Variants in MIOS observed in about 807,000 individuals in gnomAD.
MIOS encodes meiosis regulator for oocyte development.
A neutral mutation model predicts 96.9 loss-of-function variants in MIOS; 52 were observed. The ratio of observed to expected loss-of-function variants is 0.54; its 90% confidence interval spans 0.43 to 0.68. The LOEUF is 0.68. MIOS is among the 30% of genes least tolerant of loss of function. MIOS has a pLI of 0.00. For synonymous variants in MIOS, 397 were observed against 359.5 expected (o/e 1.10, Z -1.18); for missense variants, 1,005 against 1,052.8 (o/e 0.95, Z 0.63).
intron 9 of MIOS, among the ~76,000 whole-genome samples, 169 bp from the exon 10 acceptor site, chr7:7,594,811 T>G (rs917369522): frequency 4.7e-5 from 7 of 149,380 alleles, no homozygotes; most frequent in Non-Finnish European, 1.0e-4. Context: ...TGAGATAAAT[T>G]AATGGAGCTT....
At chr7:7,583,878 G>A (rs187137335) in intron 6 of MIOS, among the ~76,000 whole-genome samples, 1 of 152,170 alleles carries the variant, frequency 6.6e-6, no homozygotes, top group Admixed American at 6.5e-5. Flanking sequence ...TGAATCTGGT[G>A]ATTAAAATAC....
rs1278248173 is a variant in MIOS at position 7,573,029 on chromosome 7, A to C, written c.554A>C (p.Asp185Ala). 3.1e-6 allele frequency: 5 copies of C among 1,613,926 alleles called. No homozygotes were observed. Among genetic ancestry groups the C allele is most frequent in the Non-Finnish European group, 4.2e-6 (5 of 1,179,966 alleles). The change falls in exon 4 of 13, where the codon GAT (aspartate) becomes GCT (alanine). Residue 185 changes from aspartate (D) to alanine (A), a missense_variant. Asp to Ala is a moderately radical substitution (Grantham distance 126). Transcript: ENST00000340080. This position sits in a 1 kb window ranked among gnomAD's most constrained non-coding sequence, Gnocchi z 5.0. ...CCACTTTATGAGTTAGGACAGAATGATGCTTGTCTGTCTCTTTGTTGGCTT... is the reference window on the plus strand; with the variant it reads ...CCACTTTATGAGTTAGGACAGAATGCTGCTTGTCTGTCTCTTTGTTGGCTT... The part of the protein sequence containing the change: ...TKPLYELGQN[D>A]ACLSLCWLPR...
chr7:7,574,058 A>G, intron 4 of MIOS, 40 bp from the exon 5 acceptor site: 3 of 1,414,412 alleles, frequency 2.1e-6, no homozygotes, highest in Admixed American at 4.0e-5. Context: ...TTTGAAATAT[A>G]TTGTCATGCA....
chr7:7,580,967 A>C (rs959631035), intron 5 of MIOS, among the ~76,000 whole-genome samples: 1 of 148,998 alleles, frequency 6.7e-6, no homozygotes, highest in South Asian at 2.2e-4. Flanking sequence ...GATTACAGGC[A>C]TGAGCCACGG....
At chr7:7,604,480 C>G (rs1432583949) in intron 11 of MIOS, among the ~76,000 whole-genome samples, 1 of 152,076 alleles carries the variant, frequency 6.6e-6, no homozygotes, top group Non-Finnish European at 1.5e-5. Flanking sequence ...ACCTATTGTT[C>G]CAAGTGCTAG....
chr7:7,599,944 A>G (rs1398904498), intron 11 of MIOS, among the ~76,000 whole-genome samples: 1 of 152,110 alleles, frequency 6.6e-6, no homozygotes, highest in Non-Finnish European at 1.5e-5. Context: ...ACCAAATACC[A>G]CATGTTATAA....
chr7:7,572,362 T>C lies in MIOS; in HGVS notation c.-40-74T>C. ...TCTTGAATAGAGAATTTTCTGACTTTCTGAATAGTTTATTCAACGTAAGAA... is the reference window on the plus strand; with the variant it reads ...TCTTGAATAGAGAATTTTCTGACTTCCTGAATAGTTTATTCAACGTAAGAA... On this transcript the variant is annotated intron_variant, in intron 3 of 12. Coordinates refer to ENST00000340080, the MANE Select transcript of MIOS (RefSeq NM_019005.4). This position sits in a 1 kb window ranked among gnomAD's most constrained non-coding sequence, Gnocchi z 4.8. 1.4e-6 allele frequency: 1 copy of C among 721,990 alleles called. No homozygotes were observed. The highest frequency in any genetic ancestry group is 2.9e-5 in the South Asian group (1 of 34,128). 44.7% of individuals were successfully genotyped at this position (721,990 alleles called of 1,614,324 possible).
rs925001942 is a variant in MIOS at position 7,569,989 on chromosome 7, T to C, written c.-41+1866T>C. On this transcript the variant is annotated intron_variant, in intron 3 of 12. Transcript: ENST00000340080. ...AAAGCATTTAGGGTTTTGTAGGTTA[T>C]ACTAAGAGCAGCTGAAGACCATTAG... Among the ~76,000 whole-genome samples, 7 of 152,228 alleles carry C rather than the reference T, an allele frequency of 4.6e-5. No homozygotes were observed. In the Middle Eastern group the frequency reaches 0.01, roughly 222 times the overall value.
intron 6 of MIOS, 100 bp downstream of exon 6, chr7:7,583,472 C>T (rs1783794406): frequency 7.9e-7 from 1 of 1,266,478 alleles, no homozygotes; most frequent in Non-Finnish European, 1.1e-6. Flanking sequence ...AATATCTAAT[C>T]ACTTAAAATT....
At chr7:7,579,436 A>G (rs1442277063) in intron 5 of MIOS, among the ~76,000 whole-genome samples, 2 of 152,178 alleles carry the variant, frequency 1.3e-5, no homozygotes, top group East Asian at 1.9e-4. Context: ...TGCATATATA[A>G]TGGTGGCCCC....
chr7:7,591,056 A>G (rs893301349), intron 9 of MIOS, among the ~76,000 whole-genome samples: 2 of 152,160 alleles, frequency 1.3e-5, no homozygotes, highest in African/African-American at 4.8e-5. Flanking sequence ...GGGCTTTTAT[A>G]TTTATTCACT....
intron 5 of MIOS, among the ~76,000 whole-genome samples, chr7:7,575,376 T>C (rs1165859139): frequency 6.6e-6 from 1 of 152,148 alleles, no homozygotes; most frequent in Non-Finnish European, 1.5e-5. Context: ...GTAGACTACT[T>C]ACTGATCAGT....
intron 4 of MIOS, 73 bp from the exon 5 acceptor site, chr7:7,574,025 C>T: frequency 8.2e-7 from 1 of 1,219,790 alleles, no homozygotes; most frequent in South Asian, 1.4e-5. Context: ...TATGAATTGG[C>T]TCCAAATCAA....
Position 7,573,744 on chromosome 7 carries a change from C to G in MIOS, c.1269C>G (p.Leu423=). 2 of 1,609,878 alleles carry G rather than the reference C, an allele frequency of 1.2e-6. No individual in the cohort carries two copies. The highest frequency in any genetic ancestry group is 1.7e-6 in the Non-Finnish European group (2 of 1,177,672). The change falls in exon 4 of 13, where the codon CTC becomes CTG. Residue 423 remains leucine, a synonymous_variant. Coordinates refer to ENST00000340080, the MANE Select transcript of MIOS (RefSeq NM_019005.4). This position sits in a 1 kb window ranked among gnomAD's most constrained non-coding sequence, Gnocchi z 5.0. ...HILAGNEDPQ[L]KSLWYTLHFM... Reference sequence around the variant, plus strand: ...TAGCTGGAAATGAAGATCCACAGCTCAAGTCACTCTGGTATACTCTGCACT... The same window carrying G: ...TAGCTGGAAATGAAGATCCACAGCTGAAGTCACTCTGGTATACTCTGCACT...
chr7:7,573,469 C>T lies in MIOS; in HGVS notation c.994C>T (p.Pro332Ser). 2 of 1,614,102 alleles carry T rather than the reference C, an allele frequency of 1.2e-6. No homozygotes were observed. Among genetic ancestry groups the T allele is most frequent in the South Asian group, 2.2e-5 (2 of 91,068 alleles). The change falls in exon 4 of 13, where the codon CCA (proline) becomes TCA (serine). Residue 332 changes from proline (P) to serine (S), a missense_variant. Pro to Ser is a moderately conservative substitution (Grantham distance 74). This residue lies in a region of MIOS where 865 missense variants were observed against 887.9 expected (regional missense o/e 0.97). Transcript: ENST00000340080. This position sits in a 1 kb window ranked among gnomAD's most constrained non-coding sequence, Gnocchi z 5.0. ...DNYIASFAWH[P>S]TSQNRMIVVT... is the part of the protein sequence containing the mutation. ...TTACATTGCTTCCTTTGCGTGGCAT[C>T]CAACAAGTCAAAATCGAATGATAGT...
At chr7:7,576,644 T>C (rs1180549584) in intron 5 of MIOS, among the ~76,000 whole-genome samples, 3 of 152,036 alleles carry the variant, frequency 2.0e-5, no homozygotes, top group Non-Finnish European at 4.4e-5. Context: ...GACTTAGAAA[T>C]CATGTTAAGA....
intron 5 of MIOS, among the ~76,000 whole-genome samples, chr7:7,579,227 A>G (rs1204719731): frequency 6.6e-6 from 1 of 152,212 alleles, no homozygotes; most frequent in Non-Finnish European, 1.5e-5. Context: ...TGCTGACATC[A>G]TATTGCTTAT....
intron 7 of MIOS, among the ~76,000 whole-genome samples, chr7:7,586,289 G>A (rs1441995589): frequency 6.6e-6 from 1 of 152,122 alleles, no homozygotes; most frequent in African/African-American, 2.4e-5. Flanking sequence ...TGTTAGGAAT[G>A]ATAACAGTAC....
chr7:7,607,184 A>G lies in MIOS; in HGVS notation c.*92A>G, dbSNP rs1784556607. The G allele has an allele frequency of 1.1e-6, 1 of 884,452 alleles. No homozygotes were observed. The highest frequency in any genetic ancestry group is 1.8e-6 in the Non-Finnish European group (1 of 569,476). 54.8% of individuals were successfully genotyped at this position (884,452 alleles called of 1,614,324 possible). On this transcript the variant is annotated 3_prime_UTR_variant, in exon 13 of 13. Coordinates refer to ENST00000340080, the MANE Select transcript of MIOS (RefSeq NM_019005.4). Reference sequence around the variant, plus strand: ...AAACATACCTCAGAACAAGCCATTCATGACTTACCTGTAATGGGAAAATAA... The same window carrying G: ...AAACATACCTCAGAACAAGCCATTCGTGACTTACCTGTAATGGGAAAATAA...
Sources: allele counts gnomAD v4.1 joint callset (sites outside exome capture counted in the v4.1 genomes callset), GRCh38; gene constraint gnomAD v4.1.1; regional missense constraint gnomAD v4.1.1; non-coding constraint Gnocchi (gnomAD v3.1); transcripts MANE v1.5; gene names NCBI Gene and HGNC (gene_info 2026-07-23, HGNC 2026-07-21).